Variants in EVC observed in about 807,000 individuals in gnomAD.
EVC encodes evC complex member EVC.
In EVC, 116 loss-of-function variants were observed where a neutral mutation model predicts 118.9. The observed-to-expected ratio is 0.98, with a 90% CI of 0.84 to 1.14. EVC has a LOEUF of 1.14. EVC is among the 50% of genes most tolerant of loss of function. EVC has a pLI of 0.00. For synonymous variants in EVC, 619 were observed against 534.7 expected, an observed-to-expected ratio of 1.16 and a Z score of -2.18; for missense variants, 1,401 against 1,246.4, an observed-to-expected ratio of 1.12 and a Z score of -1.87.
At chr4:5,761,560 T>TAG (rs1732018515) in intron 11 of EVC, among the ~76,000 whole-genome samples, 1 of 151,854 alleles carries the variant, frequency 6.6e-6, no homozygotes, top group East Asian at 1.9e-4. Flanking sequence ...CTTGAAAGAC[T>TAG]TTCGTTAGTG....
rs1726876137 is a variant in EVC at position 5,731,839 on chromosome 4, G to T, written c.617+182G>T. Among the ~76,000 whole-genome samples, 1 of 152,254 alleles carries T rather than the reference G, an allele frequency of 6.6e-6. No individual in the cohort carries two copies. Among genetic ancestry groups the T allele is most frequent in the South Asian group, 2.1e-4 (1 of 4,828 alleles). On this transcript the variant is annotated intron_variant, in intron 4 of 20. Transcript: ENST00000264956. The surrounding 1 kb of genome is among the most constrained non-coding windows in gnomAD (Gnocchi z 5.6). The stretch of plus-strand genomic sequence containing the variant: ...CCTTTGTCACTTCCTGTGCTGTATT[G>T]CCCAACACTGGGGTTATGGAGTCAG...
chr4:5,777,613 A>G (rs1176975686), intron 11 of EVC, among the ~76,000 whole-genome samples: 2 of 152,166 alleles, frequency 1.3e-5, no homozygotes, highest in East Asian at 1.9e-4. Context: ...AAGATTTAAT[A>G]ATTATTTTGT....
chr4:5,825,875 A>G, the EVC span: 6 of 518,296 alleles, frequency 1.2e-5, no homozygotes, highest in Non-Finnish European at 1.4e-5. The surrounding 1 kb of genome is among the most constrained non-coding windows in gnomAD (Gnocchi z 4.4). Context: ...ACACACATCT[A>G]CATACCCACA....
intron 11 of EVC, among the ~76,000 whole-genome samples, chr4:5,772,098 G>T (rs528799676): frequency 6.6e-6 from 1 of 151,900 alleles, no homozygotes; most frequent in Admixed American, 6.6e-5. Flanking sequence ...AGGTTTCACC[G>T]TGTTAGCCAG....
At chr4:5,815,052 C>A (rs1228662563), downstream of EVC, among the ~76,000 whole-genome samples, 1 of 152,214 alleles carries the variant, frequency 6.6e-6, no homozygotes. Flanking sequence ...TTACCCAGAT[C>A]CTCCAAATGT....
chr4:5,754,014 G>T lies in EVC; in HGVS notation c.1464+81G>T. The stretch of plus-strand genomic sequence containing the variant: ...CCGTGACTGAGCACGGGACGCCGGA[G>T]GTATTCATCAGGCATGAGGTTATCT... On this transcript the variant is annotated intron_variant, in intron 10 of 20. Transcript: ENST00000264956. This position sits in a 1 kb window ranked among gnomAD's most constrained non-coding sequence, Gnocchi z 5.8. 1 of 1,574,402 alleles carries T rather than the reference G, an allele frequency of 6.4e-7. No individual in the cohort carries two copies. The highest frequency in any genetic ancestry group is 8.7e-7 in the Non-Finnish European group (1 of 1,147,752).
In EVC at chr4:5,726,854, G is replaced by C. The variant is rs1725939052; in HGVS notation, c.301-2453G>C. Among the ~76,000 whole-genome samples the C allele has an allele frequency of 3.3e-5, 5 of 151,168 alleles. No homozygotes were observed. In the South Asian group the frequency reaches 1.0e-3, roughly 32 times the overall value. Reference sequence around the variant, plus strand: ...TTTTGTTCTTGCGATAGTTTACTGAGAATGATGATTTCCAATTTCATCCAT... The same window carrying C: ...TTTTGTTCTTGCGATAGTTTACTGACAATGATGATTTCCAATTTCATCCAT... On this transcript the variant is annotated intron_variant, in intron 2 of 20. Coordinates refer to ENST00000264956, the MANE Select transcript of EVC (RefSeq NM_153717.3).
At chr4:5,733,000 A>G (rs569779302) in intron 4 of EVC, among the ~76,000 whole-genome samples, 11 of 152,322 alleles carry the variant, frequency 7.2e-5, no homozygotes, top group Middle Eastern at 3.4e-3. Flanking sequence ...ACAGAGCAAA[A>G]CCCTATTTCT....
At chr4:5,788,072 G>A (rs1712042487) in intron 12 of EVC, among the ~76,000 whole-genome samples, 1 of 152,062 alleles carries the variant, frequency 6.6e-6, no homozygotes, top group African/African-American at 2.4e-5. Context: ...GAGCCCTGGG[G>A]TGCAGTCTCC....
intron 17 of EVC, among the ~76,000 whole-genome samples, chr4:5,807,154 C>T (rs146002427): frequency 1.2e-4 from 18 of 152,240 alleles, no homozygotes; most frequent in African/African-American, 2.9e-4. Context: ...TCCTTGAGGA[C>T]GGGGACTGTG....
At chr4:5,792,115 A>AAG (rs10694391) in intron 12 of EVC, among the ~76,000 whole-genome samples, 104,090 of 151,900 alleles carry the variant, frequency 0.69, 35,981 homozygotes, top group South Asian at 0.81. Flanking sequence ...AGAGAAAAAC[A>AAG]TTGGGAAGAA....
chr4:5,798,617 T>C lies in EVC; in HGVS notation c.2129T>C (p.Leu710Pro), dbSNP rs1216511929. ...CGTGTGCTGGAGGAGGCCAGCCGGC[T>C]AGAGGAGGAAGCACAGCAGACACGG... ...EARVLEEASR[L>P]EEEAQQTRLQ... The change falls in exon 15 of 21, where the codon CTA (leucine) becomes CCA (proline). Residue 710 changes from leucine to proline, a missense_variant. Coordinates refer to ENST00000264956, the MANE Select transcript of EVC (RefSeq NM_153717.3). This position sits in a 1 kb window ranked among gnomAD's most constrained non-coding sequence, Gnocchi z 4.1. The C allele has an allele frequency of 6.3e-7, 1 of 1,582,770 alleles. No homozygotes were observed. The highest frequency in any genetic ancestry group is 1.2e-5 in the South Asian group (1 of 86,510).
intron 11 of EVC, among the ~76,000 whole-genome samples, chr4:5,763,065 GA>G: frequency 1.1e-5 from 1 of 93,284 alleles, no homozygotes; most frequent in African/African-American, 4.4e-5. Flanking sequence ...AATCCATCTT[GA>G]ATTGATTTTT....
intron 15 of EVC, among the ~76,000 whole-genome samples, chr4:5,801,445 G>A (rs1017987094): frequency 1.1e-4 from 16 of 152,224 alleles, no homozygotes; most frequent in African/African-American, 3.4e-4. Flanking sequence ...TTGGGAGGCC[G>A]AGGTGGGCAG....
intron 12 of EVC, among the ~76,000 whole-genome samples, chr4:5,787,600 G>A (rs1467375703): frequency 2.6e-5 from 4 of 152,080 alleles, no homozygotes; most frequent in African/African-American, 9.7e-5. Flanking sequence ...CCTCATTTCA[G>A]GCTTCCGATC....
At chr4:5,748,565 T>C (rs1355324818) in intron 8 of EVC, among the ~76,000 whole-genome samples, 2 of 90,618 alleles carry the variant, frequency 2.2e-5, no homozygotes, top group Non-Finnish European at 4.5e-5. Context: ...CCCACCCATT[T>C]ATCCATCCAT....
chr4:5,792,200 T>A (rs1229239036), intron 12 of EVC, among the ~76,000 whole-genome samples: 1 of 152,170 alleles, frequency 6.6e-6, no homozygotes, highest in Non-Finnish European at 1.5e-5. Context: ...TTAGTCACAA[T>A]AAATACTAGC....
the EVC span, chr4:5,828,816 T>G: frequency 9.8e-7 from 1 of 1,015,728 alleles, no homozygotes; most frequent in South Asian, 1.7e-5. Flanking sequence ...ACTGTAATAT[T>G]CCACTGTATG....
intron 11 of EVC, among the ~76,000 whole-genome samples, chr4:5,782,020 G>A (rs1577556234): frequency 1.3e-5 from 2 of 152,234 alleles, no homozygotes; most frequent in Admixed American, 1.3e-4. Context: ...GAAAAGGATT[G>A]CAGGGAGCCA....
Sources: gnomAD v4.1 joint callset for allele counts (sites outside exome capture counted in the v4.1 genomes callset) on GRCh38, gnomAD v4.1.1 for gene constraint, Gnocchi (gnomAD v3.1) non-coding constraint, MANE v1.5 for transcripts, NCBI Gene and HGNC (gene_info 2026-07-23, HGNC 2026-07-21) for gene names.